TBC1D4: variants seen among roughly 807,000 people sequenced by gnomAD.
TBC1D4 encodes the protein TBC (Tre-2, BUB2, CDC16) domain-containing protein.
In TBC1D4, 121 loss-of-function variants were observed where a neutral mutation model predicts 142.5. The observed-to-expected ratio is 0.85, with a 90% CI of 0.73 to 0.99. The LOEUF is 0.99. Ranked by LOEUF, TBC1D4 falls within the 50% of genes least tolerant of loss-of-function variation. The pLI is 0.00. For synonymous variants in TBC1D4, 630 were observed against 628.2 expected (o/e 1.00, Z -0.04); for missense variants, 1,475 against 1,606.6 (o/e 0.92, Z 1.40).
In TBC1D4 at chr13:75,287,030, T is replaced by C. The variant is rs1165898206; in HGVS notation, c.3664-5A>G. ...CTGGATTTTAGTATGAGCTACCTGT[T>C]TGGGGGGGAAAAAATCCTCCAAATC... On this transcript the variant is annotated splice_region_variant and splice_polypyrimidine_tract_variant and intron_variant, in intron 20 of 20. Transcript: ENST00000377636. 3 of 1,600,920 alleles carry C rather than the reference T, an allele frequency of 1.9e-6. No homozygotes were observed. Among genetic ancestry groups the C allele is most frequent in the Non-Finnish European group, 2.5e-6 (3 of 1,178,818 alleles).
chr13:75,287,418 A>G lies in TBC1D4; in HGVS notation c.3664-393T>C, dbSNP rs181143237. 2.6e-5 allele frequency among the ~76,000 whole-genome samples: 4 copies of G among 152,254 alleles called. 1 individual carries two copies. Among genetic ancestry groups the G allele is most frequent in the African/African-American group, 9.6e-5 (4 of 41,556 alleles). On this transcript the variant is annotated intron_variant, in intron 20 of 20. Coordinates refer to ENST00000377636, the MANE Select transcript of TBC1D4 (RefSeq NM_014832.5). ...CTGAAATACGGCGTTCTCTAAACATACACTTGGGCTTTCATCAGTATTTAT... is the reference window on the plus strand; with the variant it reads ...CTGAAATACGGCGTTCTCTAAACATGCACTTGGGCTTTCATCAGTATTTAT...
intron 8 of TBC1D4, among the ~76,000 whole-genome samples, chr13:75,336,404 A>C (rs888798143): frequency 1.4e-5 from 2 of 146,910 alleles, no homozygotes; most frequent in African/African-American, 5.1e-5. Flanking sequence ...TCAAGGAAAA[A>C]AAAAAAAGAT....
chr13:75,362,291 T>A lies in TBC1D4; in HGVS notation c.815A>T (p.Asp272Val). The change falls in exon 2 of 21, where the codon GAC becomes GTC. Residue 272 changes from aspartate to valine, a missense_variant. Transcript: ENST00000377636. This position sits in a 1 kb window ranked among gnomAD's most constrained non-coding sequence, Gnocchi z 4.2. ...SPGDCLPEEA[D>V]GTDTHLGLPA... ...TAAGCCAAGGTGGGTGTCGGTGCCG[T>A]CAGCCTCCTCCGGCAGGCAGTCTCC... 3 of 1,613,894 alleles carry A rather than the reference T, an allele frequency of 1.9e-6. No individual in the cohort carries two copies. The highest frequency in any genetic ancestry group is 2.5e-6 in the Non-Finnish European group (3 of 1,180,006).
chr13:75,325,130 GA>G (rs907078507), intron 10 of TBC1D4, among the ~76,000 whole-genome samples: 54 of 149,114 alleles, frequency 3.6e-4, no homozygotes, highest in African/African-American at 1.1e-3. Flanking sequence ...ATTTTTCCTG[GA>G]AAAAAAAAGA....
At position 75,326,225 on chromosome 13, in the gene TBC1D4, G is replaced by A. The variant is rs1379638054; in HGVS notation, c.2005C>T (p.Leu669=). 1 of 1,613,998 alleles carries A rather than the reference G, an allele frequency of 6.2e-7. No individual in the cohort carries two copies. The highest frequency in any genetic ancestry group is 8.5e-7 in the Non-Finnish European group (1 of 1,180,016). The part of the protein sequence containing the change: ...GRAQGVRSPL[L]RQSSSEQCSN... Reference sequence around the variant, plus strand: ...CACTGTTCACTGGAGCTCTGCCTCAGCAGAGGGGAACGCACACCCTGAGCC... The same window carrying A: ...CACTGTTCACTGGAGCTCTGCCTCAACAGAGGGGAACGCACACCCTGAGCC... Residue 669 remains leucine, a synonymous_variant, in exon 10 of 21, where the codon CTG becomes TTG. Coordinates refer to ENST00000377636, the MANE Select transcript of TBC1D4 (RefSeq NM_014832.5).
At chr13:75,478,225 T>G (rs1423847987) in intron 1 of TBC1D4, among the ~76,000 whole-genome samples, 3 of 152,206 alleles carry the variant, frequency 2.0e-5, no homozygotes, top group Non-Finnish European at 4.4e-5. Flanking sequence ...TGGCTCTGCA[T>G]GAACACAAAC....
intron 1 of TBC1D4, among the ~76,000 whole-genome samples, chr13:75,473,771 T>C (rs1298828761): frequency 6.6e-6 from 1 of 152,232 alleles, no homozygotes; most frequent in East Asian, 1.9e-4. Context: ...CAAGATTATC[T>C]GAAATGAAAC....
chr13:75,464,768 T>C (rs1888103156), intron 1 of TBC1D4, among the ~76,000 whole-genome samples: 2 of 152,242 alleles, frequency 1.3e-5, no homozygotes, highest in Admixed American at 6.5e-5. Context: ...ACAAACTGGC[T>C]TGGGCCTGGA....
chr13:75,404,056 A>G (rs1271608762), intron 1 of TBC1D4, among the ~76,000 whole-genome samples: 1 of 141,114 alleles, frequency 7.1e-6, no homozygotes, highest in Non-Finnish European at 1.5e-5. Context: ...GGGGGGATAT[A>G]TATACATACA....
intron 1 of TBC1D4, among the ~76,000 whole-genome samples, chr13:75,440,782 G>C (rs7334537): frequency 0.37 from 55,186 of 149,034 alleles, 12,682 homozygotes; most frequent in African/African-American, 0.66. Context: ...ATGTTGTCCA[G>C]GCTGGTTTCA....
Position 75,362,142 on chromosome 13 carries a change from C to T in TBC1D4, c.964G>A (p.Val322Met), listed in dbSNP as rs373660487. 2.7e-5 allele frequency: 43 copies of T among 1,613,430 alleles called. No individual in the cohort carries two copies. Among genetic ancestry groups the T allele is most frequent in the Middle Eastern group, 3.3e-4 (2 of 6,084 alleles). Reference sequence around the variant, plus strand: ...CTGCCCTCGTGAACTCTCCGTTGCACGCCGGTGACACTGCTGCACCGAGAC... The same window carrying T: ...CTGCCCTCGTGAACTCTCCGTTGCATGCCGGTGACACTGCTGCACCGAGAC... ...FRSRCSSVTG[V>M]QRRVHEGSQK... Residue 322 changes from valine (V) to methionine (M), a missense_variant, in exon 2 of 21, where the codon GTG becomes ATG. By Grantham distance (21) the Val-to-Met change is conservative. Transcript: ENST00000377636. This position sits in a 1 kb window ranked among gnomAD's most constrained non-coding sequence, Gnocchi z 4.2.
intron 14 of TBC1D4, among the ~76,000 whole-genome samples, chr13:75,309,226 T>C (rs1877499829): frequency 6.6e-6 from 1 of 152,170 alleles, no homozygotes; most frequent in South Asian, 2.1e-4. Flanking sequence ...TATGTGGTTC[T>C]ATCAGTACTG....
intron 1 of TBC1D4, among the ~76,000 whole-genome samples, chr13:75,384,360 C>T (rs1337489462): frequency 5.3e-5 from 8 of 151,986 alleles, no homozygotes; most frequent in African/African-American, 1.4e-4. Flanking sequence ...CGCTTGAACC[C>T]GGGAGGCAGA....
At chr13:75,459,640 G>A (rs1330120542) in intron 1 of TBC1D4, among the ~76,000 whole-genome samples, 3 of 151,952 alleles carry the variant, frequency 2.0e-5, no homozygotes, top group African/African-American at 7.3e-5. Context: ...CCAAAACAGT[G>A]GTAGGACCAT....
At chr13:75,326,474 G>C (rs779310789) in intron 9 of TBC1D4, 51 bp from the exon 10 acceptor site, 1 of 1,587,632 alleles carries the variant, frequency 6.3e-7, no homozygotes, top group Admixed American at 1.7e-5. Flanking sequence ...GGTCATGGCA[G>C]ACCTGCCAAA....
At chr13:75,407,975 A>G (rs572770960) in intron 1 of TBC1D4, among the ~76,000 whole-genome samples, 1 of 152,308 alleles carries the variant, frequency 6.6e-6, no homozygotes, top group South Asian at 2.1e-4. Flanking sequence ...ATTAATATAT[A>G]ATTTACATAC....
chr13:75,426,037 T>C lies in TBC1D4; in HGVS notation c.498+55233A>G, dbSNP rs145237903. Among the ~76,000 whole-genome samples the C allele has an allele frequency of 7.5e-3, 1,143 of 152,308 alleles. 25 individuals carry two copies. The highest frequency in any genetic ancestry group is 0.026 in the African/African-American group (1,101 of 41,552). On this transcript the variant is annotated intron_variant, in intron 1 of 20. Coordinates refer to ENST00000377636, the MANE Select transcript of TBC1D4 (RefSeq NM_014832.5). The stretch of plus-strand genomic sequence containing the variant: ...ATGGCTTGATTTAACCATTCTACAA[T>C]GTATATGGGTATCAAAACATCATGT...
At chr13:75,361,623 G>T (rs1882516275) in intron 2 of TBC1D4, among the ~76,000 whole-genome samples, 1 of 152,138 alleles carries the variant, frequency 6.6e-6, no homozygotes, top group African/African-American at 2.4e-5. Flanking sequence ...CAAGTAATCC[G>T]CGTACCTTGG....
intron 1 of TBC1D4, among the ~76,000 whole-genome samples, chr13:75,413,367 G>A (rs892564383): frequency 1.3e-5 from 2 of 152,076 alleles, no homozygotes; most frequent in Non-Finnish European, 2.9e-5. Flanking sequence ...TCACCATGTT[G>A]GCCAGGGTGG....
Sources: gnomAD v4.1 joint callset for allele counts (sites outside exome capture counted in the v4.1 genomes callset) on GRCh38, gnomAD v4.1.1 for gene constraint, Gnocchi (gnomAD v3.1) non-coding constraint, MANE v1.5 for transcripts, NCBI Gene and HGNC (gene_info 2026-07-23, HGNC 2026-07-21) for gene names.